The following EPHA6 variants were observed in gnomAD, a reference collection of about 807,000 sequenced individuals.
The protein encoded by EPHA6 is EPH receptor A6, also known as ephrin type-A receptor 6.
EPHA6 carries 50 observed loss-of-function variants against 112.0 expected under a neutral mutation model. The ratio of observed to expected loss-of-function variants is 0.45; its 90% CI spans 0.36 to 0.56. The LOEUF (loss-of-function observed/expected upper bound fraction) is 0.56. EPHA6 is among the 20% of genes least tolerant of loss of function. The probability of loss-of-function intolerance (pLI) is 0.00; values close to 1 mark genes in which losing one functional copy is unlikely to be tolerated. For synonymous variants in EPHA6, 529 were observed against 490.7 expected (o/e 1.08, Z -1.03); for missense variants, 1,280 against 1,417.4 (o/e 0.90, Z 1.56).
intron 3 of EPHA6, among the ~76,000 whole-genome samples, chr3:97,141,332 T>A (rs1489014576): frequency 6.6e-6 from 1 of 152,172 alleles, no homozygotes; most frequent in East Asian, 1.9e-4. Context: ...CTAAGTGGAT[T>A]TAATAGACAT....
chr3:97,461,537 C>T (rs1481830854), intron 7 of EPHA6, among the ~76,000 whole-genome samples: 2 of 152,116 alleles, frequency 1.3e-5, no homozygotes, highest in Non-Finnish European at 2.9e-5. Context: ...ATTATTAATA[C>T]TGATATTATT....
At chr3:97,062,101 G>A (rs1438798410) in intron 3 of EPHA6, among the ~76,000 whole-genome samples, 4 of 152,080 alleles carry the variant, frequency 2.6e-5, no homozygotes, top group Non-Finnish European at 5.9e-5. Flanking sequence ...TCATACAAGT[G>A]TATAATGGAG....
intron 2 of EPHA6, among the ~76,000 whole-genome samples, chr3:96,942,960 C>T (rs1459255998): frequency 1.3e-5 from 2 of 152,026 alleles, no homozygotes; most frequent in Non-Finnish European, 2.9e-5. Context: ...ACTTATTCCT[C>T]CTATCTAACT....
chr3:97,392,010 G>A (rs913482784), intron 5 of EPHA6, among the ~76,000 whole-genome samples: 10 of 151,716 alleles, frequency 6.6e-5, no homozygotes, highest in African/African-American at 2.4e-4. Flanking sequence ...AAAGCTTCAT[G>A]GTTTAAGACA....
intron 3 of EPHA6, among the ~76,000 whole-genome samples, chr3:97,095,142 A>C (rs1483210288): frequency 6.6e-6 from 1 of 152,098 alleles, no homozygotes; most frequent in Non-Finnish European, 1.5e-5. Context: ...ACAAAAGTAA[A>C]AATTTTAATG....
intron 5 of EPHA6, among the ~76,000 whole-genome samples, chr3:97,381,670 A>G (rs1559940985): frequency 6.6e-6 from 1 of 152,168 alleles, no homozygotes; most frequent in Non-Finnish European, 1.5e-5. Flanking sequence ...AAGTGAAATT[A>G]CTAGCAGGTT....
intron 5 of EPHA6, among the ~76,000 whole-genome samples, chr3:97,364,046 G>A (rs1185771394): frequency 6.6e-6 from 1 of 152,044 alleles, no homozygotes; most frequent in East Asian, 1.9e-4. Flanking sequence ...TGAAGTATCA[G>A]TTTGGGAAGA....
chr3:96,946,342 A>AT (rs964188467), intron 2 of EPHA6, among the ~76,000 whole-genome samples: 33 of 144,572 alleles, frequency 2.3e-4, no homozygotes, highest in African/African-American at 7.4e-4. Flanking sequence ...ACCCCACGAC[A>AT]GGCCCCGGTG....
At chr3:97,090,087 TATC>T (rs2108226522) in intron 3 of EPHA6, among the ~76,000 whole-genome samples, 2 of 152,194 alleles carry the variant, frequency 1.3e-5, no homozygotes, top group Non-Finnish European at 2.9e-5. Flanking sequence ...AATAGAGACA[TATC>T]ATATCGAGGG....
intron 14 of EPHA6, among the ~76,000 whole-genome samples, chr3:97,670,781 T>C (rs1017103541): frequency 6.6e-6 from 1 of 152,244 alleles, no homozygotes; most frequent in Admixed American, 6.5e-5. Context: ...TATAGGTCCT[T>C]TGTAAATCAC....
At chr3:97,640,229 G>A (rs1258750308) in intron 14 of EPHA6, among the ~76,000 whole-genome samples, 2 of 152,152 alleles carry the variant, frequency 1.3e-5, no homozygotes, top group Non-Finnish European at 2.9e-5. Flanking sequence ...TACGCTGACA[G>A]TTGGAGGAAA....
chr3:97,207,769 G>C (rs1192062111), intron 3 of EPHA6, among the ~76,000 whole-genome samples: 1 of 152,094 alleles, frequency 6.6e-6, no homozygotes, highest in African/African-American at 2.4e-5. Flanking sequence ...TGTCCTTATG[G>C]TTCCAGGTTT....
intron 5 of EPHA6, among the ~76,000 whole-genome samples, chr3:97,300,292 C>G (rs1282863291): frequency 1.3e-5 from 2 of 152,120 alleles, no homozygotes; most frequent in Non-Finnish European, 2.9e-5. Flanking sequence ...TTTTATCTGT[C>G]TCAATTAAAA....
chr3:96,958,907 T>C (rs1266825675), intron 2 of EPHA6, among the ~76,000 whole-genome samples: 1 of 152,260 alleles, frequency 6.6e-6, no homozygotes, highest in African/African-American at 2.4e-5. Flanking sequence ...TATTTATGCA[T>C]TCATCAGTTG....
chr3:97,179,890 C>T (rs922216937), intron 3 of EPHA6, among the ~76,000 whole-genome samples: 1 of 152,006 alleles, frequency 6.6e-6, no homozygotes, highest in African/African-American at 2.4e-5. Context: ...GTAACCACTC[C>T]TTGGCTACTG....
chr3:97,663,172 G>C (rs1329494898), intron 14 of EPHA6, among the ~76,000 whole-genome samples: 1 of 152,180 alleles, frequency 6.6e-6, no homozygotes, highest in African/African-American at 2.4e-5. Context: ...AAGAGATCTG[G>C]AGAAGGAACC....
intron 1 of EPHA6, among the ~76,000 whole-genome samples, chr3:96,850,888 T>TTACATAAAAATA (rs1215371727): frequency 6.6e-6 from 1 of 151,576 alleles, no homozygotes; most frequent in East Asian, 1.9e-4. Flanking sequence ...GAAAATAAAA[T>TTACATAAAAATA]TACATAAAAA....
At chr3:96,890,311 C>A (rs547100652) in intron 2 of EPHA6, among the ~76,000 whole-genome samples, 2 of 152,014 alleles carry the variant, frequency 1.3e-5, no homozygotes, top group Non-Finnish European at 2.9e-5. Flanking sequence ...CACAAACCAA[C>A]AAGAAGACAG....
chr3:96,917,736 C>T (rs1259217637), intron 2 of EPHA6, among the ~76,000 whole-genome samples: 1 of 151,922 alleles, frequency 6.6e-6, no homozygotes, highest in African/African-American at 2.4e-5. Flanking sequence ...ATTACACTCA[C>T]ACCCTGAAAG....
Sources: gnomAD v4.1 joint callset for allele counts (sites outside exome capture counted in the v4.1 genomes callset) on GRCh38, gnomAD v4.1.1 for gene constraint, MANE v1.5 for transcripts, NCBI Gene and HGNC (gene_info 2026-07-23, HGNC 2026-07-21) for gene names.